The following FRS2 variants were observed in gnomAD, a reference collection of about 807,000 sequenced individuals.
FRS2 encodes the protein fibroblast growth factor receptor substrate 2.
Under a neutral mutation model 43.9 loss-of-function variants are expected in FRS2, and 8 were observed. The ratio of observed to expected loss-of-function variants is 0.18; its 90% confidence interval spans 0.11 to 0.33. The LOEUF (loss-of-function observed/expected upper bound fraction) is 0.33. FRS2 is among the 10% of genes least tolerant of loss of function. FRS2 has a pLI of 1.00. For missense variants in FRS2, 534 were observed against 627.6 expected (o/e 0.85, Z 1.59); for synonymous variants, 219 against 220.3 (o/e 0.99, Z 0.05).
intron 1 of FRS2, among the ~76,000 whole-genome samples, chr12:69,520,964 T>C (rs966698644): frequency 1.3e-5 from 2 of 152,170 alleles, no homozygotes; most frequent in African/African-American, 4.8e-5. Flanking sequence ...GTAAAGAATG[T>C]CATTGGTAGT....
intron 3 of FRS2, among the ~76,000 whole-genome samples, chr12:69,549,806 T>TA (rs1480407962): frequency 6.6e-6 from 1 of 152,250 alleles, no homozygotes; most frequent in Non-Finnish European, 1.5e-5. Flanking sequence ...ACAGTGTTCT[T>TA]TCTGTCCCAT....
chr12:69,536,265 C>T (rs760101488), intron 3 of FRS2, among the ~76,000 whole-genome samples: 1 of 151,514 alleles, frequency 6.6e-6, no homozygotes, highest in African/African-American at 2.4e-5. Context: ...GCTGGGATTA[C>T]GTGTGTGCAC....
intron 1 of FRS2, among the ~76,000 whole-genome samples, chr12:69,527,343 A>ATTTTTT (rs1166365306): frequency 0.31 from 26,044 of 83,478 alleles, 5,178 homozygotes; most frequent in South Asian, 0.49. Flanking sequence ...TTTTTTAATG[A>ATTTTTT]TTTTTTTTTT....
At chr12:69,482,351 T>A (rs1871422955) in intron 1 of FRS2, among the ~76,000 whole-genome samples, 1 of 152,262 alleles carries the variant, frequency 6.6e-6, no homozygotes, top group South Asian at 2.1e-4. Flanking sequence ...GGTAAACTTT[T>A]ACATTGATAT....
chr12:69,473,378 C>G (rs899858409), intron 1 of FRS2, among the ~76,000 whole-genome samples: 6 of 152,114 alleles, frequency 3.9e-5, no homozygotes, highest in African/African-American at 1.2e-4. Flanking sequence ...TAAGACTTTT[C>G]TAAGACAAAG....
intron 1 of FRS2, among the ~76,000 whole-genome samples, chr12:69,511,284 T>G (rs1429600280): frequency 6.6e-6 from 1 of 152,218 alleles, no homozygotes; most frequent in African/African-American, 2.4e-5. Flanking sequence ...GCTTATGTAC[T>G]AGATGTTTTG....
In FRS2 at chr12:69,470,455, C is replaced by T. The variant is rs1349743683; in HGVS notation, c.-336C>T. 1.5e-5 allele frequency: 6 copies of T among 398,422 alleles called. No homozygotes were observed. The highest frequency in any genetic ancestry group is 1.2e-4 in the African/African-American group (6 of 48,620). The allele number at this position is 398,422 out of a possible 1,614,324, so 24.7% of individuals were successfully genotyped here. A position where few individuals can be genotyped will look rare whatever the true frequency, so the allele number is the denominator to read the frequency against. ...AGACTCGATCTGCTCCAAGTAGGGG[C>T]TCCAGCGCGGGTCGGAGTCTGGGGG... On this transcript the variant is annotated 5_prime_UTR_variant, in exon 1 of 9. Coordinates refer to ENST00000549921, the MANE Select transcript of FRS2 (RefSeq NM_001278356.2).
At chr12:69,571,977 G>A in intron 7 of FRS2, 141 bp from the exon 8 acceptor site, 1 of 561,360 alleles carries the variant, frequency 1.8e-6, no homozygotes, top group Non-Finnish European at 3.1e-6. Flanking sequence ...TATGGAGTTG[G>A]GGGTAATACT....
intron 1 of FRS2, among the ~76,000 whole-genome samples, chr12:69,516,261 C>T (rs1875013994): frequency 6.6e-6 from 1 of 151,258 alleles, no homozygotes; most frequent in South Asian, 2.1e-4. Flanking sequence ...TCTTGTTGCC[C>T]AGGCTGGCGT....
intron 1 of FRS2, among the ~76,000 whole-genome samples, chr12:69,514,496 T>G (rs1216205506): frequency 1.3e-5 from 2 of 152,196 alleles, no homozygotes; most frequent in African/African-American, 2.4e-5. Context: ...GTATCCTAGA[T>G]GTATGGGACA....
chr12:69,524,842 A>G (rs2135631257), intron 1 of FRS2, among the ~76,000 whole-genome samples: 1 of 152,100 alleles, frequency 6.6e-6, no homozygotes, highest in African/African-American at 2.4e-5. Context: ...GTCTCTTCCT[A>G]CTGGGATTCC....
intron 3 of FRS2, among the ~76,000 whole-genome samples, chr12:69,550,000 C>T (rs1347520862): frequency 2.0e-5 from 3 of 152,110 alleles, no homozygotes; most frequent in Admixed American, 6.6e-5. Flanking sequence ...CTCATCTGTC[C>T]GTATGCTTGG....
intron 2 of FRS2, among the ~76,000 whole-genome samples, chr12:69,531,207 G>A (rs751172949): frequency 6.6e-6 from 1 of 151,970 alleles, no homozygotes; most frequent in Non-Finnish European, 1.5e-5. Context: ...GCACGCACCT[G>A]TAATTTCAGC....
intron 3 of FRS2, among the ~76,000 whole-genome samples, chr12:69,548,831 A>G (rs1267325204): frequency 1.3e-5 from 2 of 152,190 alleles, no homozygotes; most frequent in Non-Finnish European, 1.5e-5. Flanking sequence ...AGCAAGAGCT[A>G]TAAGTATGTG....
At chr12:69,551,157 C>T (rs1218944445) in intron 3 of FRS2, among the ~76,000 whole-genome samples, 1 of 152,276 alleles carries the variant, frequency 6.6e-6, no homozygotes, top group East Asian at 1.9e-4. Context: ...TTCTAGACCC[C>T]TTGGGCAACA....
At chr12:69,571,106 G>A (rs1880713716) in intron 6 of FRS2, among the ~76,000 whole-genome samples, 170 bp from the exon 7 acceptor site, 1 of 152,064 alleles carries the variant, frequency 6.6e-6, no homozygotes, top group Non-Finnish European at 1.5e-5. Flanking sequence ...TTTGGCGGGG[G>A]TTTGTTTTGA....
At chr12:69,534,766 G>A (rs2135676865) in intron 3 of FRS2, among the ~76,000 whole-genome samples, 1 of 152,262 alleles carries the variant, frequency 6.6e-6, no homozygotes, top group East Asian at 1.9e-4. Context: ...AAAGCATTTT[G>A]TTTTCATGTA....
At chr12:69,513,948 T>A (rs1874724712) in intron 1 of FRS2, among the ~76,000 whole-genome samples, 2 of 152,154 alleles carry the variant, frequency 1.3e-5, no homozygotes, top group Non-Finnish European at 2.9e-5. Context: ...AAGAAAATAA[T>A]TATCTATAAT....
At position 69,547,232 on chromosome 12, in the gene FRS2, GC is replaced by G. The variant is rs1410887142; in HGVS notation, c.-121-14946del. Among the ~76,000 whole-genome samples the G allele has an allele frequency of 3.3e-5, 5 of 152,256 alleles. No individual in the cohort carries two copies. The South Asian group carries it at 6.2e-4, about 19-fold the overall frequency. ...GGGAGGAGGGAGTTACTGTTTAACG[GC>G]CGTGGAGTTTCAGTTTTACAAGATG... On this transcript the variant is annotated intron_variant, in intron 3 of 8. Coordinates refer to ENST00000549921, the MANE Select transcript of FRS2 (RefSeq NM_001278356.2).
Sources: gnomAD v4.1 joint callset for allele counts (sites outside exome capture counted in the v4.1 genomes callset) on GRCh38, gnomAD v4.1.1 for gene constraint, MANE v1.5 for transcripts, NCBI Gene and HGNC (gene_info 2026-07-23, HGNC 2026-07-21) for gene names.